Variants in SNX13 observed in about 807,000 individuals in gnomAD.
The protein encoded by SNX13 is sorting nexin-13.
A neutral mutation model predicts 133.6 loss-of-function variants in SNX13; 45 were observed. That is an observed-to-expected ratio of 0.34 (90% CI 0.27 to 0.43). SNX13 has a LOEUF of 0.43. SNX13 is among the 20% of genes least tolerant of loss of function. The pLI, the probability that SNX13 is intolerant of heterozygous loss-of-function variation, is 1.00. For missense variants in SNX13, 1,032 were observed against 1,145.1 expected (o/e 0.90, Z 1.43); for synonymous variants, 414 against 373.9 (o/e 1.11, Z -1.24).
intron 1 of SNX13, among the ~76,000 whole-genome samples, chr7:17,922,164 C>A (rs1278085714): frequency 6.6e-6 from 1 of 152,194 alleles, no homozygotes; most frequent in Non-Finnish European, 1.5e-5. Flanking sequence ...ACAGGTCACA[C>A]AGGCAGTGAG....
chr7:17,836,757 T>A (rs1464106632), intron 13 of SNX13, among the ~76,000 whole-genome samples: 2 of 152,052 alleles, frequency 1.3e-5, no homozygotes, highest in African/African-American at 4.8e-5. Flanking sequence ...TAACTTTTTT[T>A]AAAACTCTAT....
intron 13 of SNX13, among the ~76,000 whole-genome samples, chr7:17,839,511 G>A (rs550097013): frequency 6.6e-6 from 1 of 151,624 alleles, no homozygotes; most frequent in South Asian, 2.1e-4. Context: ...ACTCTCTTTT[G>A]TTTACTTTTG....
At chr7:17,802,226 C>T (rs1335361974) in intron 21 of SNX13, among the ~76,000 whole-genome samples, 1 of 151,982 alleles carries the variant, frequency 6.6e-6, no homozygotes, top group Non-Finnish European at 1.5e-5. Flanking sequence ...TGTAAGTTCA[C>T]TCTATGATGC....
At position 17,816,386 on chromosome 7, in the gene SNX13, G is replaced by A. The variant is rs916933967; in HGVS notation, c.1846-97C>T. ...CATATTAAAAACATCTTCAGGCCAG[G>A]TGCGGTGGCTCACGCCTGTAATCCC... On this transcript the variant is annotated intron_variant, in intron 18 of 25. Transcript: ENST00000428135. 16 of 1,394,290 alleles carry A rather than the reference G, an allele frequency of 1.1e-5. No homozygotes were observed. The Admixed American group carries it at 1.9e-4, about 17-fold the overall frequency. The allele number at this position is 1,394,290 out of a possible 1,614,324, so 86.4% of individuals were successfully genotyped here. A position where few individuals can be genotyped will look rare whatever the true frequency, so the allele number is the denominator to read the frequency against.
At chr7:17,915,222 A>G (rs1346727018) in intron 1 of SNX13, among the ~76,000 whole-genome samples, 2 of 152,168 alleles carry the variant, frequency 1.3e-5, no homozygotes, top group African/African-American at 4.8e-5. Context: ...TTATAAAATT[A>G]CTACTGTTAG....
At chr7:17,908,029 G>C (rs527833410) in intron 1 of SNX13, among the ~76,000 whole-genome samples, 1 of 152,186 alleles carries the variant, frequency 6.6e-6, no homozygotes, top group South Asian at 2.1e-4. Context: ...ACCTGAATTT[G>C]TCATAAAGAT....
intron 1 of SNX13, among the ~76,000 whole-genome samples, chr7:17,925,410 G>A (rs1800635641): frequency 1.3e-5 from 2 of 151,936 alleles, no homozygotes; most frequent in Admixed American, 1.3e-4. Flanking sequence ...TGAATTGCAT[G>A]GTATATGAAT....
At chr7:17,832,093 C>T in intron 15 of SNX13, 2 of 983,014 alleles carry the variant, frequency 2.0e-6, no homozygotes, top group East Asian at 1.1e-4. Flanking sequence ...TCTCAAACTA[C>T]AATCAATGAT....
chr7:17,883,663 C>G (rs979709218), intron 5 of SNX13, among the ~76,000 whole-genome samples: 2 of 152,084 alleles, frequency 1.3e-5, no homozygotes, highest in Admixed American at 1.3e-4. Flanking sequence ...CTGCACCCAT[C>G]AACCTGTCAC....
intron 1 of SNX13, chr7:17,898,728 A>G (rs1388776492): frequency 2.0e-5 from 3 of 152,236 alleles, no homozygotes; most frequent in African/African-American, 7.2e-5. Context: ...CTAAATGATT[A>G]GATGACAAAT....
At chr7:17,833,966 T>C in intron 15 of SNX13, 86 bp downstream of exon 15, 1 of 1,069,474 alleles carries the variant, frequency 9.4e-7, no homozygotes, top group Non-Finnish European at 1.2e-6. Flanking sequence ...TCCAACAACA[T>C]TTTTAACTTA....
At chr7:17,838,170 T>C (rs181783727) in intron 13 of SNX13, among the ~76,000 whole-genome samples, 1,669 of 152,118 alleles carry the variant, frequency 0.011, 13 homozygotes, top group Non-Finnish European at 0.014. Flanking sequence ...GAATCAGACC[T>C]TATTAAGCAA....
chr7:17,833,508 C>T (rs1245500329), intron 15 of SNX13, among the ~76,000 whole-genome samples: 1 of 151,466 alleles, frequency 6.6e-6, no homozygotes, highest in Non-Finnish European at 1.5e-5. Flanking sequence ...CCATTTTTTT[C>T]ACTATAACAT....
intron 5 of SNX13, chr7:17,882,115 T>C (rs925318084): frequency 6.6e-6 from 1 of 152,148 alleles, no homozygotes; most frequent in African/African-American, 2.4e-5. Context: ...GGAGCTAAAT[T>C]AGCAACCACA....
chr7:17,885,001 T>C (rs79725139), intron 5 of SNX13, among the ~76,000 whole-genome samples: 12,955 of 152,200 alleles, frequency 0.085, 599 homozygotes, highest in South Asian at 0.15. Context: ...CCTAGGTATA[T>C]ATCCAAGAGA....
Position 17,792,332 on chromosome 7 carries a change from T to A in SNX13, c.*1713A>T, listed in dbSNP as rs1409615645. On this transcript the variant is annotated 3_prime_UTR_variant, in exon 26 of 26. Transcript: ENST00000428135. ...TTTCTTCCACCAGAGCCACTAAGGA[T>A]CTTTTCTCACTTGCAAGTTGCAATG... 1.3e-5 allele frequency: 2 copies of A among 151,992 alleles called. No individual in the cohort carries two copies. Among genetic ancestry groups the A allele is most frequent in the Non-Finnish European group, 2.9e-5 (2 of 67,916 alleles). The allele number at this position is 151,992 out of a possible 1,614,324, so 9.4% of individuals were successfully genotyped here. A position where few individuals can be genotyped will look rare whatever the true frequency, so the allele number is the denominator to read the frequency against.
At chr7:17,861,943 C>T (rs1792757055) in intron 9 of SNX13, among the ~76,000 whole-genome samples, 1 of 152,114 alleles carries the variant, frequency 6.6e-6, no homozygotes, top group Non-Finnish European at 1.5e-5. Flanking sequence ...CTTTTTATGC[C>T]TCACATCTCT....
Position 17,937,312 on chromosome 7 carries a change from G to C in SNX13, c.12+2972C>G, listed in dbSNP as rs1387908962. Reference sequence around the variant, plus strand: ...GCTTAATATAAAATGGTCCTTAATTGATCACTTGTGTGGCTTCTCATTTCT... The same window carrying C: ...GCTTAATATAAAATGGTCCTTAATTCATCACTTGTGTGGCTTCTCATTTCT... On this transcript the variant is annotated intron_variant, in intron 1 of 25. Coordinates refer to ENST00000428135, the MANE Select transcript of SNX13 (RefSeq NM_015132.5). 2.0e-5 allele frequency among the ~76,000 whole-genome samples: 3 copies of C among 151,890 alleles called. No individual in the cohort carries two copies. The South Asian group carries it at 6.2e-4, about 32-fold the overall frequency.
At chr7:17,801,510 G>C (rs1784645239) in intron 22 of SNX13, 78 bp downstream of exon 22, 1 of 1,062,590 alleles carries the variant, frequency 9.4e-7, no homozygotes, top group East Asian at 2.6e-5. Context: ...ATGATACATA[G>C]AACACTTCAT....
Sources: allele counts gnomAD v4.1 joint callset (sites outside exome capture counted in the v4.1 genomes callset), GRCh38; gene constraint gnomAD v4.1.1; transcripts MANE v1.5; gene names NCBI Gene and HGNC (gene_info 2026-07-23, HGNC 2026-07-21).